The following GRHL3 variants were observed in gnomAD, a reference collection of about 807,000 sequenced individuals.
GRHL3 encodes the protein grainyhead-like protein 3 homolog.
A neutral mutation model predicts 70.3 loss-of-function variants in GRHL3; 20 were observed. The ratio of observed to expected loss-of-function variants is 0.28; its 90% CI spans 0.20 to 0.41. GRHL3 has a LOEUF of 0.41. Among genes scored for constraint, GRHL3 ranks in the 10% least tolerant of loss-of-function variants. The probability of loss-of-function intolerance (pLI) is 1.00; values close to 1 mark genes in which losing one functional copy is unlikely to be tolerated. For synonymous variants in GRHL3, 299 were observed against 299.9 expected (o/e 1.00, Z 0.03); for missense variants, 637 against 762.3 (o/e 0.84, Z 1.94).
At position 24,322,662 on chromosome 1, in the gene GRHL3, G is replaced by A. The variant is rs1639244372; in HGVS notation, c.17+3094G>A. Among the ~76,000 whole-genome samples the A allele has an allele frequency of 1.3e-5, 2 of 152,232 alleles. No individual in the cohort carries two copies. The highest frequency in any genetic ancestry group is 4.8e-5 in the African/African-American group (2 of 41,464). The stretch of plus-strand genomic sequence containing the variant: ...GGGCAGGCTGCGCAGTCCCAGCAGT[G>A]AGTGGCCGCAGCCAGGCGGTCGGCA... On this transcript the variant is annotated intron_variant, in intron 1 of 15. Coordinates refer to ENST00000361548, the MANE Select transcript of GRHL3 (RefSeq NM_198173.3). The surrounding 1 kb of genome is among the most constrained non-coding windows in gnomAD (Gnocchi z 4.4).
chr1:24,347,605 GT>G, intron 14 of GRHL3, 52 bp downstream of exon 14: 1 of 1,360,942 alleles, frequency 7.3e-7, no homozygotes, highest in South Asian at 1.2e-5. Context: ...CTAGGCTCCT[GT>G]CCCCACTCCT....
intron 15 of GRHL3, among the ~76,000 whole-genome samples, chr1:24,351,591 C>G (rs1442844719): frequency 6.6e-6 from 1 of 151,636 alleles, no homozygotes; most frequent in Non-Finnish European, 1.5e-5. Context: ...GTGCCCATGC[C>G]CCCTGGCTCC....
At chr1:24,362,218 G>A (rs1211986717) in intron 15 of GRHL3, among the ~76,000 whole-genome samples, 2 of 152,214 alleles carry the variant, frequency 1.3e-5, no homozygotes, top group African/African-American at 4.8e-5. Flanking sequence ...AACACAGAGA[G>A]CTTGAGGGGA....
intron 4 of GRHL3, 85 bp from the exon 5 acceptor site, chr1:24,336,993 G>A (rs1639843705): frequency 7.4e-7 from 1 of 1,353,996 alleles, no homozygotes; most frequent in Non-Finnish European, 1.1e-6. Context: ...TGTACAACCT[G>A]CATAGCTGTA....
chr1:24,330,628 C>T (rs1208270164), intron 1 of GRHL3, among the ~76,000 whole-genome samples: 2 of 152,230 alleles, frequency 1.3e-5, no homozygotes, highest in Non-Finnish European at 2.9e-5. Context: ...CCTGCTCCTT[C>T]CCCACATTGC....
At chr1:24,343,415 C>T (rs1035422903) in intron 11 of GRHL3, 1 of 199,436 alleles carries the variant, frequency 5.0e-6, no homozygotes, top group Non-Finnish European at 1.0e-5. Context: ...TCTCTACAGC[C>T]CTGGGAAGTC....
chr1:24,337,112 C>G lies in GRHL3; in HGVS notation c.647C>G (p.Pro216Arg), dbSNP rs149044763. 3 of 1,614,102 alleles carry G rather than the reference C, an allele frequency of 1.9e-6. No homozygotes were observed. Among genetic ancestry groups the G allele is most frequent in the Non-Finnish European group, 2.5e-6 (3 of 1,179,970 alleles). ...TTCCCAGATATCCTGAAAACCTCCC[C>G]GGAACCCCCATGTCCAGAGGACTAC... Reference protein sequence around the residue: ...MLFPDILKTSPEPPCPEDYPS... With the variant: ...MLFPDILKTSREPPCPEDYPS... Residue 216 changes from proline (P) to arginine (R), a missense_variant, in exon 5 of 16, where the codon CCG becomes CGG. By Grantham distance (103) the Pro-to-Arg change is moderately radical. Around this residue, in one of 2 missense-constraint regions of GRHL3, gnomAD observed 387 missense variants for 513.8 expected, o/e 0.75. Coordinates refer to ENST00000361548, the MANE Select transcript of GRHL3 (RefSeq NM_198173.3).
chr1:24,351,117 C>T lies in GRHL3; in HGVS notation c.1694+995C>T, dbSNP rs551102541. ...CCTCTGCCCACAGCTCCAATCTGAT[C>T]CTCTTGCTGTGGATAGTCTAACTCG... On this transcript the variant is annotated intron_variant, in intron 15 of 15. Coordinates refer to ENST00000361548, the MANE Select transcript of GRHL3 (RefSeq NM_198173.3). 1.2e-4 allele frequency among the ~76,000 whole-genome samples: 18 copies of T among 152,358 alleles called. No individual in the cohort carries two copies. In the South Asian group the frequency reaches 3.5e-3, roughly 30 times the overall value.
chr1:24,328,363 G>C (rs1421196253), intron 1 of GRHL3, among the ~76,000 whole-genome samples: 2 of 152,166 alleles, frequency 1.3e-5, no homozygotes. Flanking sequence ...TAGATGAGAT[G>C]ACACACAAAA....
intron 8 of GRHL3, among the ~76,000 whole-genome samples, chr1:24,341,641 G>T (rs1271187175): frequency 6.6e-6 from 1 of 152,162 alleles, no homozygotes; most frequent in Non-Finnish European, 1.5e-5. Context: ...GTGGGTGGTT[G>T]GGGTGGAGAG....
chr1:24,342,930 G>A lies in GRHL3; in HGVS notation c.1324G>A (p.Glu442Lys), dbSNP rs374245832. ...CCTGCTGTCGGGCTTCAGGGGCAAT[G>A]AGACGACCTACCTTCGGCCAGAGAC... ...GCLLSGFRGN[E>K]TTYLRPETDL... is the part of the protein sequence containing the mutation. Residue 442 changes from glutamate to lysine, a missense_variant, in exon 11 of 16, where the codon GAG (glutamate) becomes AAG (lysine). By Grantham distance (56) the Glu-to-Lys change is moderately conservative (BLOSUM62 1). Around this residue, in one of 2 missense-constraint regions of GRHL3, gnomAD observed 387 missense variants for 513.8 expected, o/e 0.75. Coordinates refer to ENST00000361548, the MANE Select transcript of GRHL3 (RefSeq NM_198173.3). This position sits in a 1 kb window ranked among gnomAD's most constrained non-coding sequence, Gnocchi z 4.8. 6.8e-6 allele frequency: 11 copies of A among 1,614,014 alleles called. No homozygotes were observed. In the African/African-American group the frequency reaches 1.5e-4, roughly 22 times the overall value.
chr1:24,342,684 T>A lies in GRHL3; in HGVS notation c.1207-10T>A. 1 of 1,613,802 alleles carries A rather than the reference T, an allele frequency of 6.2e-7. No individual in the cohort carries two copies. Among genetic ancestry groups the A allele is most frequent in the Non-Finnish European group, 8.5e-7 (1 of 1,179,710 alleles). The stretch of plus-strand genomic sequence containing the variant: ...GGCCCTTGGTGACCCTCTCTCCTTC[T>A]CCCCTGCAGGGAGCTGAGAGGAAGA... On this transcript the variant is annotated splice_polypyrimidine_tract_variant and intron_variant, in intron 9 of 15. Coordinates refer to ENST00000361548, the MANE Select transcript of GRHL3 (RefSeq NM_198173.3). This position sits in a 1 kb window ranked among gnomAD's most constrained non-coding sequence, Gnocchi z 4.8.
At chr1:24,343,488 C>T (rs1640129573) in intron 11 of GRHL3, among the ~76,000 whole-genome samples, 2 of 152,154 alleles carry the variant, frequency 1.3e-5, no homozygotes, top group African/African-American at 4.8e-5. Context: ...TAAGAAACCT[C>T]CTGAGATTGC....
chr1:24,344,506 A>C (rs1640169288), intron 11 of GRHL3, among the ~76,000 whole-genome samples: 1 of 150,990 alleles, frequency 6.6e-6, no homozygotes, highest in South Asian at 2.1e-4. Flanking sequence ...AAAAAAAAAA[A>C]AAAAAAAAGC....
downstream of GRHL3, chr1:24,358,467 C>T (rs763779682): frequency 9.5e-6 from 12 of 1,266,416 alleles, no homozygotes; most frequent in East Asian, 1.2e-4. Flanking sequence ...GATCGGTCTC[C>T]TCCTGAGGAA....
chr1:24,353,591 T>C (rs1640600797), intron 15 of GRHL3, among the ~76,000 whole-genome samples: 1 of 151,892 alleles, frequency 6.6e-6, no homozygotes, highest in Non-Finnish European at 1.5e-5. Flanking sequence ...GGATGGTGAA[T>C]GTGTGGGTGG....
At position 24,350,131 on chromosome 1, in the gene GRHL3, C is replaced by G. The variant is rs1209686999; in HGVS notation, c.1694+9C>G. Reference sequence around the variant, plus strand: ...AAGAAATGCAAGCGAGGGTGAGTGCCTAGTTCACCCTCCCCCAGCTGGTTG... The same window carrying G: ...AAGAAATGCAAGCGAGGGTGAGTGCGTAGTTCACCCTCCCCCAGCTGGTTG... On this transcript the variant is annotated intron_variant, in intron 15 of 15. Coordinates refer to ENST00000361548, the MANE Select transcript of GRHL3 (RefSeq NM_198173.3). 6.2e-7 allele frequency: 1 copy of G among 1,608,446 alleles called. No homozygotes were observed. Among genetic ancestry groups the G allele is most frequent in the East Asian group, 2.2e-5 (1 of 44,828 alleles).
rs11576645 is a variant in GRHL3, at chr1:24,342,177, C to G, written c.1110C>G (p.Val370=). Residue 370 remains valine (V), a synonymous_variant, in exon 9 of 16, where the codon GTC becomes GTG. Transcript: ENST00000361548. This position sits in a 1 kb window ranked among gnomAD's most constrained non-coding sequence, Gnocchi z 4.8. ...CCTCACAAAAGGGGGTGAAGGGTGT[C>G]CCCCTGAACCTGCAGATTGACACCT... is the stretch of plus-strand genomic sequence containing the variant. ...DFSSQKGVKG[V]PLNLQIDTYD... 349,866 of 1,612,124 alleles carry G rather than the reference C, an allele frequency of 0.22. 39,691 individuals are homozygous for G. Among genetic ancestry groups the G allele is most frequent in the Non-Finnish European group, 0.23 (273,813 of 1,178,804 alleles).
At position 24,322,976 on chromosome 1, in the gene GRHL3, G is replaced by C; in HGVS notation, c.17+3408G>C. The C allele has an allele frequency of 1.0e-6, 1 of 979,464 alleles. No homozygotes were observed. The allele number at this position is 979,464 out of a possible 1,614,324, so 60.7% of individuals were successfully genotyped here. On this transcript the variant is annotated intron_variant, in intron 1 of 15. Coordinates refer to ENST00000361548, the MANE Select transcript of GRHL3 (RefSeq NM_198173.3). This position sits in a 1 kb window ranked among gnomAD's most constrained non-coding sequence, Gnocchi z 4.4. Reference sequence around the variant, plus strand: ...ACGGAAGCACTGGGATCTTAACCGGGTCTTAGCCGAGCAGCCATAGGCCAC... The same window carrying C: ...ACGGAAGCACTGGGATCTTAACCGGCTCTTAGCCGAGCAGCCATAGGCCAC...
Sources: allele counts gnomAD v4.1 joint callset (sites outside exome capture counted in the v4.1 genomes callset), GRCh38; gene constraint gnomAD v4.1.1; regional missense constraint gnomAD v4.1.1; non-coding constraint Gnocchi (gnomAD v3.1); transcripts MANE v1.5; gene names NCBI Gene and HGNC (gene_info 2026-07-23, HGNC 2026-07-21).